The following GALK2 variants were observed in gnomAD, a reference collection of about 807,000 sequenced individuals.
The protein encoded by GALK2 is galactokinase 2.
GALK2 carries 36 observed loss-of-function variants against 52.4 expected under a neutral mutation model. The observed-to-expected ratio is 0.69, with a 90% CI of 0.53 to 0.91. The LOEUF is 0.91. Ranked by LOEUF, GALK2 falls within the 40% of genes least tolerant of loss-of-function variation. GALK2 has a pLI of 0.00. For synonymous variants in GALK2, 176 were observed against 199.1 expected, an observed-to-expected ratio of 0.88 and a Z score of 0.98; for missense variants, 579 against 559.1, an observed-to-expected ratio of 1.04 and a Z score of -0.36.
chr15:49,309,264 G>A (rs2035794290), intron 8 of GALK2, among the ~76,000 whole-genome samples: 1 of 152,136 alleles, frequency 6.6e-6, no homozygotes, highest in African/African-American at 2.4e-5. Context: ...AATCCTAAAA[G>A]ATTTTGTGAG....
intron 5 of GALK2, among the ~76,000 whole-genome samples, chr15:49,263,391 C>A (rs2092217458): frequency 8.9e-6 from 1 of 112,948 alleles, no homozygotes; most frequent in South Asian, 3.3e-4. Flanking sequence ...GGGATTGCAA[C>A]CCCTGCCTTT....
intron 8 of GALK2, among the ~76,000 whole-genome samples, chr15:49,299,735 T>TTTCTTTCC (rs1347140534): frequency 1.3e-4 from 10 of 77,530 alleles, no homozygotes; most frequent in African/African-American, 5.6e-4. Context: ...TCTTTCTTTC[T>TTTCTTTCC]TTTCTTTCTT....
intron 5 of GALK2, among the ~76,000 whole-genome samples, chr15:49,253,077 A>G (rs989745547): frequency 2.8e-5 from 4 of 144,834 alleles, no homozygotes; most frequent in African/African-American, 9.9e-5. Flanking sequence ...GCAAATATTT[A>G]TCCCTGCTCA....
At chr15:49,172,923 C>G (rs2085196736) in intron 1 of GALK2, among the ~76,000 whole-genome samples, 1 of 152,178 alleles carries the variant, frequency 6.6e-6, no homozygotes, top group African/African-American at 2.4e-5. Context: ...TATCATATAA[C>G]TAATTCATTT....
At chr15:49,366,423 C>T (rs1596595699) in intron 3 of GALK2, 1 of 875,062 alleles carries the variant, frequency 1.1e-6, no homozygotes, top group Non-Finnish European at 2.0e-6. Flanking sequence ...TGCACCACAA[C>T]TGCTTTGTTC....
intron 1 of GALK2, among the ~76,000 whole-genome samples, chr15:49,163,933 T>C (rs1004573974): frequency 1.3e-5 from 2 of 151,852 alleles, no homozygotes; most frequent in African/African-American, 4.8e-5. Context: ...ATCTTTAAAA[T>C]TTTTTTTTAC....
chr15:49,326,927 A>C (rs1432414402), intron 9 of GALK2: 2 of 152,168 alleles, frequency 1.3e-5, no homozygotes. Context: ...AGGAAGTAAA[A>C]TATCTCATTT....
At chr15:49,160,380 A>G (rs913609028) in intron 1 of GALK2, among the ~76,000 whole-genome samples, 1 of 152,200 alleles carries the variant, frequency 6.6e-6, no homozygotes, top group African/African-American at 2.4e-5. Context: ...AGAGCCTTTA[A>G]TGATATCACT....
chr15:49,201,668 C>A (rs2087786429), intron 2 of GALK2, among the ~76,000 whole-genome samples: 1 of 152,264 alleles, frequency 6.6e-6, no homozygotes, highest in African/African-American at 2.4e-5. Flanking sequence ...ATGAATTTAT[C>A]TTTCCTTTTG....
At chr15:49,159,021 G>C (rs1395560720) in intron 1 of GALK2, 1 of 151,998 alleles carries the variant, frequency 6.6e-6, no homozygotes, top group East Asian at 1.9e-4. Context: ...TAGAGACAGG[G>C]GTCTCACCAT....
At chr15:49,176,204 G>A (rs538761628) in intron 1 of GALK2, among the ~76,000 whole-genome samples, 106 of 152,378 alleles carry the variant, frequency 7.0e-4, no homozygotes, top group Non-Finnish European at 1.2e-3. Context: ...AAGACCTTTT[G>A]TTCCTGACTT....
chr15:49,174,153 A>G (rs1157415274), intron 1 of GALK2, among the ~76,000 whole-genome samples: 1 of 152,206 alleles, frequency 6.6e-6, no homozygotes, highest in Non-Finnish European at 1.5e-5. Flanking sequence ...ATGCTGCAAC[A>G]AACATCCTTG....
At chr15:49,327,031 T>TGTAA (rs2037621983) in intron 9 of GALK2, 1 of 152,146 alleles carries the variant, frequency 6.6e-6, no homozygotes, top group African/African-American at 2.4e-5. Context: ...AAGAATTAAT[T>TGTAA]GTAAGTACAT....
intron 5 of GALK2, among the ~76,000 whole-genome samples, chr15:49,266,596 T>A (rs1156716741): frequency 1.3e-5 from 2 of 152,160 alleles, no homozygotes; most frequent in East Asian, 3.9e-4. Context: ...GCTTCTATGA[T>A]CATATGAGAT....
chr15:49,176,721 A>C (rs1171461750), intron 1 of GALK2, among the ~76,000 whole-genome samples: 5 of 152,122 alleles, frequency 3.3e-5, no homozygotes, highest in Non-Finnish European at 5.9e-5. Flanking sequence ...TAATTACTGC[A>C]TTAAATTTAC....
intron 3 of GALK2, chr15:49,365,172 T>G: frequency 1.3e-6 from 1 of 767,462 alleles, no homozygotes; most frequent in Non-Finnish European, 2.3e-6. Flanking sequence ...TCTTCGTTTT[T>G]TGCATAATAC....
chr15:49,220,374 G>A lies in GALK2; in HGVS notation c.266+3061G>A, dbSNP rs1244344600. Among the ~76,000 whole-genome samples the A allele has an allele frequency of 2.0e-5, 3 of 151,842 alleles. No homozygotes were observed. The East Asian group carries it at 5.8e-4, about 29-fold the overall frequency. Reference sequence around the variant, plus strand: ...GAGAATATCTGATGTTTGTTTTTCTGTACCTGGCTTATTCCATCCACATTG... The same window carrying A: ...GAGAATATCTGATGTTTGTTTTTCTATACCTGGCTTATTCCATCCACATTG... On this transcript the variant is annotated intron_variant, in intron 3 of 9. Coordinates refer to ENST00000560031, the MANE Select transcript of GALK2 (RefSeq NM_002044.4).
intron 2 of GALK2, among the ~76,000 whole-genome samples, chr15:49,215,460 A>G (rs995843862): frequency 1.3e-4 from 20 of 152,272 alleles, no homozygotes; most frequent in African/African-American, 4.6e-4. Context: ...GTATTTTTAT[A>G]TAGCCTGTCT....
At chr15:49,270,398 A>G (rs1399203244) in intron 5 of GALK2, among the ~76,000 whole-genome samples, 1 of 151,724 alleles carries the variant, frequency 6.6e-6, no homozygotes, top group Middle Eastern at 3.2e-3. Context: ...TGGGGGTGCT[A>G]AATTCTGAAA....
Sources: allele counts gnomAD v4.1 joint callset (sites outside exome capture counted in the v4.1 genomes callset), GRCh38; gene constraint gnomAD v4.1.1; transcripts MANE v1.5; gene names NCBI Gene and HGNC (gene_info 2026-07-23, HGNC 2026-07-21).